DYM: variants seen among roughly 807,000 people sequenced by gnomAD.
DYM encodes the protein dymeclin.
In DYM, 78 loss-of-function variants were observed where a neutral mutation model predicts 93.1. The ratio of observed to expected loss-of-function variants is 0.84; its 90% CI spans 0.70 to 1.01. The LOEUF (loss-of-function observed/expected upper bound fraction) is 1.01, where lower values mean the gene tolerates loss of function less well. DYM is among the 50% of genes least tolerant of loss of function. The pLI is 0.00. For missense variants in DYM, 789 were observed against 845.0 expected, an observed-to-expected ratio of 0.93 and a Z score of 0.82; for synonymous variants, 321 against 319.7, an observed-to-expected ratio of 1.00 and a Z score of -0.04.
At chr18:49,263,622 C>CCAGAGG (rs1356597383) in intron 11 of DYM, among the ~76,000 whole-genome samples, 3 of 151,538 alleles carry the variant, frequency 2.0e-5, no homozygotes, top group South Asian at 2.1e-4. Flanking sequence ...CCCAGCTACT[C>CCAGAGG]CAGAGGCAGA....
chr18:49,144,568 C>T (rs534311743), intron 15 of DYM, among the ~76,000 whole-genome samples: 24 of 152,094 alleles, frequency 1.6e-4, no homozygotes, highest in Non-Finnish European at 2.9e-4. Context: ...AGGACAAATC[C>T]CCAGTTCCTT....
intron 11 of DYM, among the ~76,000 whole-genome samples, chr18:49,271,197 G>A (rs908760259): frequency 2.0e-5 from 3 of 152,100 alleles, no homozygotes; most frequent in Non-Finnish European, 2.9e-5. Context: ...TGAAGTATTG[G>A]GGGTAGAATC....
intron 1 of DYM, among the ~76,000 whole-genome samples, chr18:49,443,279 T>C (rs1483270197): frequency 1.3e-5 from 2 of 152,226 alleles, no homozygotes; most frequent in Non-Finnish European, 2.9e-5. Context: ...TGTTTACACA[T>C]GGTCTATAGC....
chr18:49,105,204 T>C (rs1370929317), intron 16 of DYM, among the ~76,000 whole-genome samples: 2 of 152,228 alleles, frequency 1.3e-5, no homozygotes, highest in Admixed American at 6.5e-5. Context: ...TAGAGGTGCT[T>C]ATAGCATTCT....
chr18:49,348,053 C>T (rs1040022385), intron 6 of DYM, among the ~76,000 whole-genome samples: 3 of 152,130 alleles, frequency 2.0e-5, no homozygotes, highest in African/African-American at 7.2e-5. Flanking sequence ...GCGCCATGAC[C>T]CTGCACTGCA....
intron 14 of DYM, among the ~76,000 whole-genome samples, chr18:49,173,312 T>C (rs2088982033): frequency 2.0e-5 from 3 of 152,130 alleles, no homozygotes; most frequent in Admixed American, 1.3e-4. Context: ...TTGTATAATA[T>C]TGAATCAACT....
chr18:49,310,924 T>C (rs554787556), intron 8 of DYM, among the ~76,000 whole-genome samples: 2 of 152,318 alleles, frequency 1.3e-5, no homozygotes, highest in South Asian at 4.1e-4. Flanking sequence ...AATAATTACA[T>C]TAATATATTT....
intron 17 of DYM, among the ~76,000 whole-genome samples, chr18:49,045,864 C>T: frequency 6.6e-6 from 1 of 152,030 alleles, no homozygotes; most frequent in Non-Finnish European, 1.5e-5. Context: ...CATAAGGTCC[C>T]GGAAGCCTCT....
At chr18:49,156,328 T>C (rs2086425668) in intron 15 of DYM, among the ~76,000 whole-genome samples, 5 of 152,128 alleles carry the variant, frequency 3.3e-5, no homozygotes, top group Admixed American at 2.6e-4. Context: ...AATGTTATCC[T>C]GTGGGAACTT....
intron 16 of DYM, among the ~76,000 whole-genome samples, 160 bp from the exon 17 acceptor site, chr18:49,097,675 GT>G (rs1238136929): frequency 6.6e-6 from 1 of 152,138 alleles, no homozygotes; most frequent in African/African-American, 2.4e-5. Context: ...TCTCCGTTGG[GT>G]TTGATAGCCG....
At chr18:49,158,889 A>C (rs1385660275) in intron 15 of DYM, among the ~76,000 whole-genome samples, 1 of 152,204 alleles carries the variant, frequency 6.6e-6, no homozygotes, top group East Asian at 1.9e-4. Flanking sequence ...ACATTTTGAA[A>C]TAACTAAAAG....
At chr18:49,415,734 C>T (rs1297439118) in intron 2 of DYM, among the ~76,000 whole-genome samples, 1 of 151,880 alleles carries the variant, frequency 6.6e-6, no homozygotes, top group Non-Finnish European at 1.5e-5. Context: ...TCGAGACCAG[C>T]CTGACCAACA....
rs1285168925 is a variant in DYM at position 49,333,718 on chromosome 18, A to C, written c.620+10T>G. ...TGAAAAAACTAGACATACTTAAAGT[A>C]GAAACATACCATGGACCTCGCATCA... On this transcript the variant is annotated intron_variant, in intron 7 of 17. Transcript: ENST00000675505. The C allele has an allele frequency of 6.2e-7, 1 of 1,613,658 alleles. No homozygotes were observed. The highest frequency in any genetic ancestry group is 8.5e-7 in the Non-Finnish European group (1 of 1,179,680).
intron 2 of DYM, among the ~76,000 whole-genome samples, chr18:49,413,608 T>C (rs2072551593): frequency 6.6e-6 from 1 of 152,056 alleles, no homozygotes; most frequent in Non-Finnish European, 1.5e-5. Flanking sequence ...AGGATAAGAG[T>C]ACAGCAAACT....
intron 14 of DYM, among the ~76,000 whole-genome samples, chr18:49,189,430 G>C (rs999016640): frequency 6.6e-6 from 1 of 152,090 alleles, no homozygotes; most frequent in Non-Finnish European, 1.5e-5. Flanking sequence ...GGAGCACTGG[G>C]AAGCATTAGA....
At chr18:49,238,355 G>A (rs1338390839) in intron 13 of DYM, among the ~76,000 whole-genome samples, 1 of 152,030 alleles carries the variant, frequency 6.6e-6, no homozygotes, top group Non-Finnish European at 1.5e-5. Flanking sequence ...ATCATCTTTA[G>A]GCAAATTGGT....
intron 8 of DYM, among the ~76,000 whole-genome samples, chr18:49,304,971 C>T (rs761017567): frequency 9.2e-5 from 14 of 152,118 alleles, no homozygotes; most frequent in Non-Finnish European, 1.8e-4. Flanking sequence ...TGCACTGCCA[C>T]TACAATTCTG....
At chr18:49,240,309 A>G (rs547895715) in intron 13 of DYM, among the ~76,000 whole-genome samples, 3 of 152,126 alleles carry the variant, frequency 2.0e-5, no homozygotes, top group African/African-American at 4.8e-5. Context: ...ATTAATGAGA[A>G]CCCCAAAGAA....
intron 12 of DYM, among the ~76,000 whole-genome samples, chr18:49,257,306 T>G (rs2094409008): frequency 6.6e-6 from 1 of 152,232 alleles, no homozygotes; most frequent in African/African-American, 2.4e-5. Context: ...AATGATGATG[T>G]TCCTGACAGT....
Sources: allele counts gnomAD v4.1 joint callset (sites outside exome capture counted in the v4.1 genomes callset), GRCh38; gene constraint gnomAD v4.1.1; transcripts MANE v1.5; gene names NCBI Gene and HGNC (gene_info 2026-07-23, HGNC 2026-07-21).